DENND4C: variants seen among roughly 807,000 people sequenced by gnomAD.
DENND4C encodes DENN domain-containing protein 4C.
In DENND4C, 108 loss-of-function variants were observed where a neutral mutation model predicts 203.0. That is an observed-to-expected ratio of 0.53 (90% CI 0.46 to 0.62). DENND4C has a LOEUF of 0.62. DENND4C is among the 20% of genes least tolerant of loss of function. The pLI is 0.00. For missense variants in DENND4C, 2,481 were observed against 2,301.2 expected (o/e 1.08, Z -1.60); for synonymous variants, 871 against 792.4 (o/e 1.10, Z -1.67).
intron 1 of DENND4C, among the ~76,000 whole-genome samples, chr9:19,272,715 G>A (rs546017154): frequency 3.3e-5 from 5 of 152,236 alleles, no homozygotes; most frequent in African/African-American, 7.2e-5. Flanking sequence ...AGAAGAAAAT[G>A]TGGGGGAAAT....
chr9:19,270,171 C>T (rs1215179962), intron 1 of DENND4C, among the ~76,000 whole-genome samples: 4 of 152,176 alleles, frequency 2.6e-5, no homozygotes, highest in Non-Finnish European at 4.4e-5. Flanking sequence ...GTGACACAAG[C>T]ACCCCTGCAA....
At chr9:19,297,696 A>T (rs1837746272) in intron 6 of DENND4C, among the ~76,000 whole-genome samples, 1 of 152,182 alleles carries the variant, frequency 6.6e-6, no homozygotes, top group African/African-American at 2.4e-5. Context: ...TCTGGGATTA[A>T]ACTGAATTTT....
At chr9:19,360,794 T>G (rs1437832445) in intron 29 of DENND4C, among the ~76,000 whole-genome samples, 1 of 151,836 alleles carries the variant, frequency 6.6e-6, no homozygotes, top group Non-Finnish European at 1.5e-5. Context: ...GAGAGGAGAG[T>G]ATGTCTTTTT....
chr9:19,258,863 C>T (rs1476746953), intron 1 of DENND4C, among the ~76,000 whole-genome samples: 1 of 152,122 alleles, frequency 6.6e-6, no homozygotes. Flanking sequence ...CCATGTTGGC[C>T]AGGCTGGTCT....
intron 16 of DENND4C, among the ~76,000 whole-genome samples, chr9:19,328,846 C>T (rs555502140): frequency 1.3e-5 from 2 of 150,448 alleles, no homozygotes; most frequent in South Asian, 2.1e-4. Flanking sequence ...GTCAGGAGTT[C>T]GAGACCAGCC....
chr9:19,338,684 T>A (rs1820999142), intron 20 of DENND4C, among the ~76,000 whole-genome samples: 1 of 152,216 alleles, frequency 6.6e-6, no homozygotes, highest in Non-Finnish European at 1.5e-5. Context: ...TAGGGGCATG[T>A]TTGGTTTTAA....
intron 1 of DENND4C, among the ~76,000 whole-genome samples, chr9:19,241,094 G>A (rs1173475111): frequency 6.6e-6 from 1 of 152,134 alleles, no homozygotes; most frequent in Non-Finnish European, 1.5e-5. Flanking sequence ...GTTGCTCTGG[G>A]CGAGTCACTG....
intron 1 of DENND4C, among the ~76,000 whole-genome samples, chr9:19,242,744 C>G (rs938111255): frequency 2.0e-5 from 3 of 151,992 alleles, no homozygotes; most frequent in Non-Finnish European, 4.4e-5. Context: ...CAACCTCTGC[C>G]TCCTGGGTTG....
chr9:19,258,621 G>C (rs147971374), intron 1 of DENND4C, among the ~76,000 whole-genome samples: 1 of 151,800 alleles, frequency 6.6e-6, no homozygotes, highest in Non-Finnish European at 1.5e-5. Flanking sequence ...AAAAGTGCTT[G>C]ATAAATTCTA....
intron 30 of DENND4C, among the ~76,000 whole-genome samples, chr9:19,368,677 C>T (rs1018399374): frequency 6.6e-6 from 1 of 152,124 alleles, no homozygotes; most frequent in Non-Finnish European, 1.5e-5. Flanking sequence ...TGGCATGCCC[C>T]TGTAGCCTCA....
chr9:19,250,989 C>T (rs946187892), intron 1 of DENND4C, among the ~76,000 whole-genome samples: 6 of 152,310 alleles, frequency 3.9e-5, no homozygotes, highest in Non-Finnish European at 7.4e-5. Flanking sequence ...GTATGGAGGA[C>T]GGTGACCACC....
intron 10 of DENND4C, among the ~76,000 whole-genome samples, chr9:19,314,800 A>G (rs963464993): frequency 1.3e-5 from 2 of 152,088 alleles, no homozygotes; most frequent in African/African-American, 2.4e-5. Context: ...ATGCCATGCT[A>G]CATTTAGAGA....
rs1365624519 is a variant in DENND4C, at chr9:19,372,486, C to G, written c.*313C>G. The G allele has an allele frequency of 9.2e-6, 2 of 218,510 alleles. No individual in the cohort carries two copies. The highest frequency in any genetic ancestry group is 1.8e-5 in the Non-Finnish European group (2 of 111,970). 13.5% of individuals were successfully genotyped at this position (218,510 alleles called of 1,614,324 possible). A position where few individuals can be genotyped will look rare whatever the true frequency, so the allele number is the denominator to read the frequency against. ...GAAATAATGAGGAACCATATTCATTCTAGGCATTGTTTATATTTGAAGTTA... is the reference window on the plus strand; with the variant it reads ...GAAATAATGAGGAACCATATTCATTGTAGGCATTGTTTATATTTGAAGTTA... On this transcript the variant is annotated 3_prime_UTR_variant, in exon 33 of 33. Transcript: ENST00000434457.
intron 12 of DENND4C, among the ~76,000 whole-genome samples, chr9:19,318,020 C>T (rs1842131038): frequency 6.6e-6 from 1 of 152,128 alleles, no homozygotes; most frequent in African/African-American, 2.4e-5. Context: ...CTTCCTGGAG[C>T]TTATTAAAGT....
At chr9:19,333,569 T>C (rs1042861770) in intron 17 of DENND4C, among the ~76,000 whole-genome samples, 1 of 152,150 alleles carries the variant, frequency 6.6e-6, no homozygotes, top group Non-Finnish European at 1.5e-5. Flanking sequence ...TAGATAATAA[T>C]AGTTAGCACC....
chr9:19,363,205 TC>T (rs1429139392), intron 30 of DENND4C, among the ~76,000 whole-genome samples: 1 of 152,148 alleles, frequency 6.6e-6, no homozygotes, highest in African/African-American at 2.4e-5. Flanking sequence ...TATAAAGACA[TC>T]AGCTGTATTA....
chr9:19,287,145 T>C (rs193288781), intron 3 of DENND4C, 124 bp downstream of exon 3: 68 of 924,506 alleles, frequency 7.4e-5, no homozygotes, highest in Non-Finnish European at 9.0e-5. Flanking sequence ...TTTTTATTTT[T>C]CCTAATTTTT....
chr9:19,233,306 G>A (rs60261163), intron 1 of DENND4C, among the ~76,000 whole-genome samples: 8,769 of 152,184 alleles, frequency 0.058, 321 homozygotes, highest in East Asian at 0.22. Context: ...TTTGACAGAC[G>A]TAGCAAAGGG....
intron 20 of DENND4C, among the ~76,000 whole-genome samples, chr9:19,340,631 G>T (rs1323032707): frequency 6.6e-6 from 1 of 152,126 alleles, no homozygotes; most frequent in Non-Finnish European, 1.5e-5. Flanking sequence ...TATTTTGCCT[G>T]CATTACTTTT....
Sources: gnomAD v4.1 joint callset for allele counts (sites outside exome capture counted in the v4.1 genomes callset) on GRCh38, gnomAD v4.1.1 for gene constraint, MANE v1.5 for transcripts, NCBI Gene and HGNC (gene_info 2026-07-23, HGNC 2026-07-21) for gene names.